The following TPX2 variants were observed in gnomAD, a reference collection of about 807,000 sequenced individuals.
TPX2 encodes the protein targeting protein for Xklp2.
Under a neutral mutation model 93.6 loss-of-function variants are expected in TPX2, and 21 were observed. The ratio of observed to expected loss-of-function variants is 0.22; its 90% CI spans 0.16 to 0.32. The LOEUF (loss-of-function observed/expected upper bound fraction) is 0.32. Among genes scored for constraint, TPX2 ranks in the 10% least tolerant of loss-of-function variants. The pLI, the probability that TPX2 is intolerant of heterozygous loss-of-function variation, is 1.00. For synonymous variants in TPX2, 281 were observed against 298.3 expected (o/e 0.94, Z 0.60); for missense variants, 776 against 871.1 (o/e 0.89, Z 1.37).
At chr20:31,766,186 G>T (rs1320447877) in intron 4 of TPX2, among the ~76,000 whole-genome samples, 1 of 151,976 alleles carries the variant, frequency 6.6e-6, no homozygotes, top group Admixed American at 6.6e-5. Context: ...TTTATGTATT[G>T]CTGATGAAAA....
intron 2 of TPX2, among the ~76,000 whole-genome samples, chr20:31,756,225 C>T (rs1486756091): frequency 6.6e-6 from 1 of 152,062 alleles, no homozygotes; most frequent in African/African-American, 2.4e-5. Context: ...TTAGGAACTT[C>T]GAGTCTACTG....
Position 31,767,498 on chromosome 20 carries a change from A to G in TPX2, c.356+816A>G, listed in dbSNP as rs147118091. On this transcript the variant is annotated intron_variant, in intron 5 of 17. Coordinates refer to ENST00000300403, the MANE Select transcript of TPX2 (RefSeq NM_012112.5). Reference sequence around the variant, plus strand: ...AGTGATCCTCCTGCCTCAGCCTCCCAAAGTGCTGAGACTATATAGGCATAA... The same window carrying G: ...AGTGATCCTCCTGCCTCAGCCTCCCGAAGTGCTGAGACTATATAGGCATAA... 7.2e-4 allele frequency among the ~76,000 whole-genome samples: 109 copies of G among 152,038 alleles called. 3 individuals carry two copies. The East Asian group carries it at 0.018, about 25-fold the overall frequency.
intron 7 of TPX2, among the ~76,000 whole-genome samples, chr20:31,774,487 G>T (rs1328264332): frequency 2.0e-5 from 3 of 151,888 alleles, no homozygotes; most frequent in Admixed American, 6.6e-5. Context: ...ACTAAGAATG[G>T]ATACTCTGTG....
chr20:31,751,498 T>C (rs1316777749), intron 2 of TPX2, among the ~76,000 whole-genome samples: 1 of 152,142 alleles, frequency 6.6e-6, no homozygotes, highest in Non-Finnish European at 1.5e-5. Flanking sequence ...TAAAAATCCT[T>C]TGAATAGAAA....
chr20:31,789,941 A>AT (rs1402840456), intron 12 of TPX2, among the ~76,000 whole-genome samples: 4 of 152,190 alleles, frequency 2.6e-5, no homozygotes, highest in Non-Finnish European at 5.9e-5. Context: ...CAATTACTTT[A>AT]TTTTATTAAA....
intron 1 of TPX2, among the ~76,000 whole-genome samples, chr20:31,740,615 C>T (rs2061747972): frequency 6.6e-6 from 1 of 152,150 alleles, no homozygotes; most frequent in African/African-American, 2.4e-5. Flanking sequence ...ATGATGTACT[C>T]AAACGTTTTT....
At chr20:31,775,519 G>C (rs2061990958) in intron 7 of TPX2, among the ~76,000 whole-genome samples, 1 of 151,750 alleles carries the variant, frequency 6.6e-6, no homozygotes, top group Non-Finnish European at 1.5e-5. Flanking sequence ...AGAATTACAG[G>C]TGTGTGCCAT....
chr20:31,772,019 C>CTTTTTTTT (rs397866298), intron 7 of TPX2, among the ~76,000 whole-genome samples: 2 of 125,272 alleles, frequency 1.6e-5, no homozygotes, highest in African/African-American at 6.4e-5. Flanking sequence ...GCCTGGCTAA[C>CTTTTTTTT]TTTTTTTTTT....
chr20:31,780,725 A>G (rs746940090), intron 10 of TPX2, among the ~76,000 whole-genome samples: 7 of 152,172 alleles, frequency 4.6e-5, no homozygotes, highest in Non-Finnish European at 8.8e-5. Flanking sequence ...AAAATTGACA[A>G]GGTTTCACTG....
In TPX2 at chr20:31,778,816, C is replaced by A. The variant is rs769549933; in HGVS notation, c.886C>A (p.Arg296=). The part of the protein sequence containing the change: ...ELRKHPSSPA[R]VTKGCTIVKP... ...GGAACAACTTTTCTCTTTACAGGCC[C>A]GAGTGACTAAGGGATGTACCATTGT... The change falls in exon 10 of 18, where the codon CGA becomes AGA. Residue 296 remains arginine, a synonymous_variant. Coordinates refer to ENST00000300403, the MANE Select transcript of TPX2 (RefSeq NM_012112.5). 8 of 1,566,526 alleles carry A rather than the reference C, an allele frequency of 5.1e-6. No homozygotes were observed. The Admixed American group carries it at 1.4e-4, about 28-fold the overall frequency.
At chr20:31,780,161 C>T (rs761440592) in intron 10 of TPX2, among the ~76,000 whole-genome samples, 18 of 152,096 alleles carry the variant, frequency 1.2e-4, no homozygotes, top group Admixed American at 5.9e-4. Context: ...AAGAGATTCT[C>T]GTGCCTCAGC....
At chr20:31,752,476 C>T (rs1181205760) in intron 2 of TPX2, among the ~76,000 whole-genome samples, 1 of 152,198 alleles carries the variant, frequency 6.6e-6, no homozygotes, top group East Asian at 1.9e-4. Flanking sequence ...ACCTTGACTT[C>T]AGCCATGTTA....
intron 17 of TPX2, 42 bp from the exon 18 acceptor site, chr20:31,800,928 C>A: frequency 6.8e-7 from 1 of 1,468,686 alleles, no homozygotes; most frequent in South Asian, 1.1e-5. Flanking sequence ...AAGCGTAGTT[C>A]TCTGACATCC....
chr20:31,797,322 C>A, intron 15 of TPX2, 82 bp from the exon 16 acceptor site: 3 of 1,244,004 alleles, frequency 2.4e-6, no homozygotes, highest in South Asian at 1.3e-5. Context: ...TGAAGCAGTT[C>A]AGACATTAGA....
Position 31,758,260 on chromosome 20 carries a change from C to T in TPX2, c.106+678C>T, listed in dbSNP as rs376080307. Among the ~76,000 whole-genome samples the T allele has an allele frequency of 2.2e-4, 34 of 151,338 alleles. No homozygotes were observed. In the South Asian group the frequency reaches 3.1e-3, roughly 14 times the overall value. ...TCAGCCGCCCAAGTAGCTGGGATTA[C>T]AGGCGCCCACCAGCATGCCTAACTA... On this transcript the variant is annotated intron_variant, in intron 3 of 17. Transcript: ENST00000300403.
intron 12 of TPX2, among the ~76,000 whole-genome samples, chr20:31,785,954 G>A (rs999772383): frequency 9.2e-5 from 14 of 152,016 alleles, no homozygotes; most frequent in Non-Finnish European, 1.8e-4. Context: ...GTAACCTAAC[G>A]TAAATTTAAA....
At chr20:31,791,763 G>C (rs1426063198) in intron 12 of TPX2, among the ~76,000 whole-genome samples, 1 of 152,198 alleles carries the variant, frequency 6.6e-6, no homozygotes, top group East Asian at 1.9e-4. Flanking sequence ...GGGAAGAGCA[G>C]AATAGAGAGC....
At chr20:31,749,411 A>T (rs1008194839) in intron 2 of TPX2, among the ~76,000 whole-genome samples, 1 of 152,208 alleles carries the variant, frequency 6.6e-6, no homozygotes, top group African/African-American at 2.4e-5. Flanking sequence ...TAATAACAGT[A>T]CCTACTTTAT....
chr20:31,762,988 C>G (rs886275756), intron 4 of TPX2, among the ~76,000 whole-genome samples: 1 of 152,100 alleles, frequency 6.6e-6, no homozygotes, highest in Non-Finnish European at 1.5e-5. Context: ...GCTATAAATA[C>G]GTGGATTTTT....
Sources: gnomAD v4.1 joint callset for allele counts (sites outside exome capture counted in the v4.1 genomes callset) on GRCh38, gnomAD v4.1.1 for gene constraint, MANE v1.5 for transcripts, NCBI Gene and HGNC (gene_info 2026-07-23, HGNC 2026-07-21) for gene names.